Variants in ESCO2 observed in about 807,000 individuals in gnomAD.
ESCO2 encodes establishment of sister chromatid cohesion N-acetyltransferase 2, also known as N-acetyltransferase ESCO2.
A neutral mutation model predicts 61.7 loss-of-function variants in ESCO2; 51 were observed. The observed-to-expected ratio is 0.83, with a 90% CI of 0.66 to 1.04. The LOEUF (loss-of-function observed/expected upper bound fraction) is 1.04, where lower values mean the gene tolerates loss of function less well. Among genes scored for constraint, ESCO2 ranks in the 50% least tolerant of loss-of-function variants. The pLI is 0.00. For missense variants in ESCO2, 692 were observed against 686.2 expected (o/e 1.01, Z -0.09); for synonymous variants, 230 against 238.2 (o/e 0.97, Z 0.32).
At chr8:27,781,383 A>C (rs1196943229) in intron 4 of ESCO2, among the ~76,000 whole-genome samples, 1 of 152,146 alleles carries the variant, frequency 6.6e-6, no homozygotes, top group African/African-American at 2.4e-5. Flanking sequence ...TCCTCAAATC[A>C]ATTGCTGTTT....
chr8:27,788,626 C>G (rs989826465), intron 6 of ESCO2, among the ~76,000 whole-genome samples: 1 of 151,874 alleles, frequency 6.6e-6, no homozygotes, highest in African/African-American at 2.4e-5. Context: ...CCCAAAGTGC[C>G]GAGATTACAG....
chr8:27,816,343 C>CTTATATATATATATA (rs1554559818), downstream of ESCO2, among the ~76,000 whole-genome samples: 20 of 136,358 alleles, frequency 1.5e-4, no homozygotes, highest in African/African-American at 5.3e-4. Context: ...TCATCGAATA[C>CTTATATATATATATA]TATATATATA....
At chr8:27,815,963 A>G (rs978362896), downstream of ESCO2, among the ~76,000 whole-genome samples, 2 of 152,206 alleles carry the variant, frequency 1.3e-5, no homozygotes, top group African/African-American at 4.8e-5. Flanking sequence ...GAAACAGTTT[A>G]TACTTTATTT....
rs569349933 is a variant in ESCO2, at chr8:27,788,988, A to C, written c.1263+10A>C. ...AGGAATCAAATATGTGGTGAGCCAA[A>C]ACATAGTCTTTCAGTTTGTTCTAGA... On this transcript the variant is annotated intron_variant, in intron 7 of 10. Coordinates refer to ENST00000305188, the MANE Select transcript of ESCO2 (RefSeq NM_001017420.3). 6.2e-7 allele frequency: 1 copy of C among 1,614,034 alleles called. No homozygotes were observed. The highest frequency in any genetic ancestry group is 8.5e-7 in the Non-Finnish European group (1 of 1,179,952).
chr8:27,801,505 T>G (rs116215660), intron 10 of ESCO2, among the ~76,000 whole-genome samples: 2,202 of 152,308 alleles, frequency 0.014, 47 homozygotes, highest in African/African-American at 0.045. Context: ...TTTGTTTGAT[T>G]AGTTATGAAA....
chr8:27,813,972 A>C (rs1805759265), downstream of ESCO2, among the ~76,000 whole-genome samples: 1 of 152,024 alleles, frequency 6.6e-6, no homozygotes, highest in Non-Finnish European at 1.5e-5. Context: ...TGTTAATGTG[A>C]TATTTTGATG....
chr8:27,781,989 C>T (rs551101046), intron 4 of ESCO2, among the ~76,000 whole-genome samples: 3 of 152,112 alleles, frequency 2.0e-5, no homozygotes, highest in African/African-American at 2.4e-5. Context: ...TACTATATTA[C>T]GTTTAATTGT....
At chr8:27,786,770 A>G (rs1376188625) in intron 5 of ESCO2, among the ~76,000 whole-genome samples, 2 of 145,006 alleles carry the variant, frequency 1.4e-5, no homozygotes, top group Non-Finnish European at 3.0e-5. Flanking sequence ...AATGCAGTGG[A>G]GCTAATGCTC....
chr8:27,778,344 AG>A (rs1471831864), intron 3 of ESCO2: 1 of 152,008 alleles, frequency 6.6e-6, no homozygotes, highest in African/African-American at 2.4e-5. Flanking sequence ...CTGTTTATCG[AG>A]TATGGCCAAG....
At chr8:27,784,633 A>T (rs1002107324) in intron 5 of ESCO2, among the ~76,000 whole-genome samples, 10 of 152,160 alleles carry the variant, frequency 6.6e-5, no homozygotes, top group Non-Finnish European at 1.5e-4. Flanking sequence ...GCTTAATGTT[A>T]TCATAAAGTA....
Position 27,799,652 on chromosome 8 carries a change from A to G in ESCO2, c.1609A>G (p.Arg537Gly). Residue 537 changes from arginine (R) to glycine (G), a missense_variant, in exon 10 of 11, where the codon AGA becomes GGA. By Grantham distance (125) the Arg-to-Gly change is moderately radical (BLOSUM62 -2). Coordinates refer to ENST00000305188, the MANE Select transcript of ESCO2 (RefSeq NM_001017420.3). ...VPEPAVCGIS[R>G]IWVFRLKRRK... ...AGAACCTGCAGTCTGTGGGATAAGT[A>G]GAATCTGGGTTTTCAGACTGAAGAG... is the stretch of plus-strand genomic sequence containing the variant. 1 of 1,613,980 alleles carries G rather than the reference A, an allele frequency of 6.2e-7. No individual in the cohort carries two copies. The highest frequency in any genetic ancestry group is 8.5e-7 in the Non-Finnish European group (1 of 1,180,014).
chr8:27,792,578 C>A, intron 8 of ESCO2, 90 bp from the exon 9 acceptor site: 1 of 1,311,110 alleles, frequency 7.6e-7, no homozygotes, highest in African/African-American at 1.5e-5. Flanking sequence ...GCTAAAGTAA[C>A]AGTAATCATA....
At chr8:27,812,848 AG>A (rs1435025993), downstream of ESCO2, among the ~76,000 whole-genome samples, 2 of 152,234 alleles carry the variant, frequency 1.3e-5, no homozygotes, top group African/African-American at 4.8e-5. Flanking sequence ...GTGGAGAAAT[AG>A]GAATGCTTTT....
Position 27,803,787 on chromosome 8 carries a change from G to C in ESCO2, c.*349G>C. On this transcript the variant is annotated 3_prime_UTR_variant, in exon 11 of 11. Transcript: ENST00000305188. ...GATTTTTCTCTAGAAATGTGACCTG[G>C]TCTTTTATAAAGCCCACTCTTAGAC... is the stretch of plus-strand genomic sequence containing the variant. The C allele has an allele frequency of 9.7e-7, 1 of 1,034,586 alleles. No homozygotes were observed. Among genetic ancestry groups the C allele is most frequent in the Non-Finnish European group, 1.2e-6 (1 of 862,088 alleles). The allele number at this position is 1,034,586 out of a possible 1,614,324, so 64.1% of individuals were successfully genotyped here. A position where few individuals can be genotyped will look rare whatever the true frequency, so the allele number is the denominator to read the frequency against.
downstream of ESCO2, among the ~76,000 whole-genome samples, chr8:27,816,800 T>G (rs1242881328): frequency 6.6e-6 from 1 of 152,158 alleles, no homozygotes; most frequent in Non-Finnish European, 1.5e-5. Flanking sequence ...TATTTTATAC[T>G]CTGTTTATCT....
chr8:27,787,582 A>G (rs981232573), intron 5 of ESCO2, among the ~76,000 whole-genome samples: 3 of 152,198 alleles, frequency 2.0e-5, no homozygotes, highest in Non-Finnish European at 4.4e-5. Context: ...GGCAAAGTCA[A>G]TTTCCAAAGT....
intron 7 of ESCO2, 21 bp from the exon 8 acceptor site, chr8:27,791,942 C>G (rs1283873551): frequency 2.1e-5 from 33 of 1,609,308 alleles, no homozygotes; most frequent in Non-Finnish European, 2.7e-5. Flanking sequence ...AAACTGTGAC[C>G]CTTTTGTTTT....
upstream of ESCO2, among the ~76,000 whole-genome samples, chr8:27,773,266 T>A (rs1047334322): frequency 6.6e-6 from 1 of 152,292 alleles, no homozygotes; most frequent in Middle Eastern, 3.4e-3. Flanking sequence ...AACCTAACAC[T>A]GCCACACAAG....
chr8:27,772,460 G>A (rs1804663055), upstream of ESCO2: 2 of 1,538,542 alleles, frequency 1.3e-6, no homozygotes, highest in Middle Eastern at 1.7e-4. Flanking sequence ...TGCGGGTCCC[G>A]GCTTCGGAGC....
Sources: allele counts gnomAD v4.1 joint callset (sites outside exome capture counted in the v4.1 genomes callset), GRCh38; gene constraint gnomAD v4.1.1; transcripts MANE v1.5; gene names NCBI Gene and HGNC (gene_info 2026-07-23, HGNC 2026-07-21).